SGCZ: variants seen among roughly 807,000 people sequenced by gnomAD.
The protein encoded by SGCZ is sarcoglycan zeta.
A neutral mutation model predicts 41.3 loss-of-function variants in SGCZ; 40 were observed. The ratio of observed to expected loss-of-function variants is 0.97; its 90% CI spans 0.75 to 1.26. The LOEUF is 1.26. SGCZ is among the 50% of genes most tolerant of loss of function. SGCZ has a pLI of 0.00. For missense variants in SGCZ, 552 were observed against 369.8 expected (o/e 1.49, Z -4.04); for synonymous variants, 206 against 137.5 (o/e 1.50, Z -3.49).
chr8:14,274,741 T>C, intron 3 of SGCZ, among the ~76,000 whole-genome samples: 1 of 152,088 alleles, frequency 6.6e-6, no homozygotes, highest in East Asian at 1.9e-4. Context: ...ACAAAAAAAT[T>C]ATACTGCTTA....
intron 3 of SGCZ, among the ~76,000 whole-genome samples, chr8:14,239,685 G>A (rs1447324183): frequency 2.6e-5 from 4 of 151,356 alleles, no homozygotes; most frequent in Non-Finnish European, 5.9e-5. Flanking sequence ...GGCGGATCAC[G>A]AGGTCAGGAG....
At chr8:14,095,950 T>C (rs562749050) in intron 7 of SGCZ, among the ~76,000 whole-genome samples, 1 of 152,304 alleles carries the variant, frequency 6.6e-6, no homozygotes, top group East Asian at 1.9e-4. Context: ...TGCACATTGA[T>C]TTTGTAACCT....
intron 2 of SGCZ, among the ~76,000 whole-genome samples, chr8:14,391,697 G>A (rs989630452): frequency 1.3e-5 from 2 of 152,088 alleles, no homozygotes; most frequent in Non-Finnish European, 2.9e-5. Flanking sequence ...GTGACGAACG[G>A]GAGTGTTTTA....
At chr8:14,623,991 C>A (rs11987643) in intron 1 of SGCZ, among the ~76,000 whole-genome samples, 7,168 of 152,232 alleles carry the variant, frequency 0.047, 524 homozygotes, top group African/African-American at 0.16. Flanking sequence ...TAAACCCTAA[C>A]TGATTCAGGT....
chr8:14,716,579 T>C (rs372729437), intron 1 of SGCZ, among the ~76,000 whole-genome samples: 1 of 152,014 alleles, frequency 6.6e-6, no homozygotes, highest in Non-Finnish European at 1.5e-5. Flanking sequence ...TTCTTTTGAG[T>C]TTTCTTACAC....
chr8:14,639,412 C>G (rs112005835), intron 1 of SGCZ, among the ~76,000 whole-genome samples: 3,425 of 151,670 alleles, frequency 0.023, 58 homozygotes, highest in South Asian at 0.054. Context: ...GGGCCATATT[C>G]TTTAACAAGA....
intron 2 of SGCZ, among the ~76,000 whole-genome samples, chr8:14,352,768 TC>T (rs1803147862): frequency 6.6e-6 from 1 of 152,092 alleles, no homozygotes; most frequent in African/African-American, 2.4e-5. Flanking sequence ...ATTGCTGATA[TC>T]TGTCCATTCA....
intron 1 of SGCZ, among the ~76,000 whole-genome samples, chr8:14,569,874 C>T (rs1356856488): frequency 3.3e-5 from 5 of 150,868 alleles, no homozygotes; most frequent in Admixed American, 6.6e-5. Flanking sequence ...CAGATGCAGC[C>T]GGACCAGAGA....
At chr8:14,318,883 G>A (rs180878405) in intron 3 of SGCZ, among the ~76,000 whole-genome samples, 11 of 151,410 alleles carry the variant, frequency 7.3e-5, no homozygotes, top group Admixed American at 6.6e-5. Context: ...GTAAAAAATC[G>A]TTATAAGATA....
At chr8:14,590,565 A>G (rs1805207882) in intron 1 of SGCZ, among the ~76,000 whole-genome samples, 1 of 150,702 alleles carries the variant, frequency 6.6e-6, no homozygotes, top group African/African-American at 2.4e-5. Flanking sequence ...ATTATTGCTT[A>G]TAATTCAAAT....
chr8:14,333,082 C>A (rs565057677), intron 2 of SGCZ, among the ~76,000 whole-genome samples: 2 of 151,948 alleles, frequency 1.3e-5, no homozygotes, highest in East Asian at 3.9e-4. Context: ...CAATTGGAAT[C>A]ACTGTCAGCA....
At chr8:14,828,438 A>G (rs1802414379) in intron 1 of SGCZ, among the ~76,000 whole-genome samples, 2 of 152,222 alleles carry the variant, frequency 1.3e-5, no homozygotes, top group Admixed American at 6.5e-5. Context: ...AGCAAACTCT[A>G]CTTGATGGTT....
At chr8:14,779,711 A>C (rs2252835) in intron 1 of SGCZ, among the ~76,000 whole-genome samples, 1 of 152,070 alleles carries the variant, frequency 6.6e-6, no homozygotes, top group South Asian at 2.1e-4. Flanking sequence ...GAGCCATACA[A>C]AACTAAAGAT....
chr8:15,113,425 A>T (rs746915151), intron 1 of SGCZ, among the ~76,000 whole-genome samples: 1 of 152,164 alleles, frequency 6.6e-6, no homozygotes, highest in East Asian at 1.9e-4. Context: ...AACAATTGAT[A>T]TCAACTGCTC....
intron 5 of SGCZ, among the ~76,000 whole-genome samples, chr8:14,152,885 A>G (rs1483937491): frequency 6.6e-6 from 1 of 152,244 alleles, no homozygotes; most frequent in Admixed American, 6.5e-5. Flanking sequence ...ACTTGGATGA[A>G]TCTCCAGGAA....
rs144793232 is a variant in SGCZ at position 14,425,705 on chromosome 8, C to A, written c.235-101501G>T. Among the ~76,000 whole-genome samples, 56 of 152,018 alleles carry A rather than the reference C, an allele frequency of 3.7e-4. No homozygotes were observed. In the East Asian group the frequency reaches 9.5e-3, roughly 26 times the overall value. On this transcript the variant is annotated intron_variant, in intron 2 of 7. Transcript: ENST00000382080. The stretch of plus-strand genomic sequence containing the variant: ...TCATGTTTTTATTTGCAGATTTAAA[C>A]TTACTTATACAATTTTGCTATGTTT...
chr8:14,701,658 T>A (rs1188628006), intron 1 of SGCZ, among the ~76,000 whole-genome samples: 2 of 151,914 alleles, frequency 1.3e-5, no homozygotes, highest in African/African-American at 4.8e-5. Flanking sequence ...TCTCTTCTTT[T>A]CTTACGGCCC....
chr8:14,609,886 A>G (rs1437425603), intron 1 of SGCZ, among the ~76,000 whole-genome samples: 1 of 152,238 alleles, frequency 6.6e-6, no homozygotes, highest in Non-Finnish European at 1.5e-5. Flanking sequence ...ATTCTTTTAC[A>G]AGTGAGTATG....
chr8:14,899,485 C>G (rs2130757238), intron 1 of SGCZ, among the ~76,000 whole-genome samples: 1 of 152,268 alleles, frequency 6.6e-6, no homozygotes. Flanking sequence ...TACAAAGTTG[C>G]TAAACTTTGA....
Sources: gnomAD v4.1 joint callset for allele counts (sites outside exome capture counted in the v4.1 genomes callset) on GRCh38, gnomAD v4.1.1 for gene constraint, MANE v1.5 for transcripts, NCBI Gene and HGNC (gene_info 2026-07-23, HGNC 2026-07-21) for gene names.